Variants in FLNA observed in about 807,000 individuals in gnomAD.
FLNA encodes the protein filamin-A.
FLNA carries 7 observed loss-of-function variants against 157.6 expected under a neutral mutation model. The observed-to-expected ratio is 0.04, with a 90% CI of 0.03 to 0.08. The LOEUF (loss-of-function observed/expected upper bound fraction) is 0.08. FLNA is among the 10% of genes least tolerant of loss of function. The pLI, the probability that FLNA is intolerant of heterozygous loss-of-function variation, is 1.00. For missense variants in FLNA, 1,750 were observed against 2,398.4 expected (o/e 0.73, Z 5.65); for synonymous variants, 1,103 against 1,060.8 (o/e 1.04, Z -0.77).
At chrX:154,360,903 T>C (rs1040458308) in intron 21 of FLNA, among the ~76,000 whole-genome samples, 7 of 107,434 alleles carry the variant, frequency 6.5e-5, no homozygotes, top group Admixed American at 6.0e-4. Context: ...CAAAATTAGC[T>C]GGGCATGGTG....
At chrX:154,370,425 C>A (rs1046959013) in intron 2 of FLNA, among the ~76,000 whole-genome samples, 2 of 112,317 alleles carry the variant, frequency 1.8e-5, no homozygotes, top group Non-Finnish European at 3.8e-5. Flanking sequence ...CAATGGGACG[C>A]ACGAGCTCCA....
intron 30 of FLNA, 28 bp from the exon 31 acceptor site, chrX:154,355,100 G>C: frequency 4.2e-6 from 5 of 1,191,484 alleles, no homozygotes; most frequent in South Asian, 1.8e-5. Context: ...GTCCCCAAAG[G>C]GGGGCCAGCG....
chrX:154,351,326 G>T (rs1557175722), intron 43 of FLNA: 1 of 437,043 alleles, frequency 2.3e-6, no homozygotes, highest in Non-Finnish European at 4.0e-6. Flanking sequence ...TCTTTAAACC[G>T]CAGCCCTGGT....
In FLNA at chrX:154,367,847, G is replaced by C; in HGVS notation, c.617C>G (p.Ala206Gly). The change falls in exon 3 of 48, where the codon GCC (alanine) becomes GGC (glycine). Residue 206 changes from alanine to glycine, a missense_variant. Transcript: ENST00000369850. ...RALGALVDSC[A>G]PGLCPDWDSW... ...CTGCCTCTGCGCCCCCTCACCCGGG[G>C]CACAGCTGTCCACCAGGGCGCCCAG... is the stretch of plus-strand genomic sequence containing the variant. 1 of 1,210,721 alleles carries C rather than the reference G, an allele frequency of 8.3e-7. No individual in the cohort carries two copies. Among genetic ancestry groups the C allele is most frequent in the Non-Finnish European group, 1.1e-6 (1 of 895,298 alleles).
rs1334045176 is a variant in FLNA, at chrX:154,349,463, G to A, written c.7655C>T (p.Pro2552Leu). ...TCAPQHGAPG[P>L]GPADASKVVA... ...CACCTTGCTGGCGTCAGCAGGCCCAGGACCCGGGGCCCCATGCTGGGGGGC... is the reference window on the plus strand; with the variant it reads ...CACCTTGCTGGCGTCAGCAGGCCCAAGACCCGGGGCCCCATGCTGGGGGGC... Residue 2552 changes from proline to leucine, a missense_variant, in exon 47 of 48, where the codon CCT (proline) becomes CTT (leucine). Transcript: ENST00000369850. 5 of 1,211,385 alleles carry A rather than the reference G, an allele frequency of 4.1e-6. No individual in the cohort carries two copies. The highest frequency in any genetic ancestry group is 5.6e-6 in the Non-Finnish European group (5 of 895,383).
At chrX:154,365,859 G>A (rs1557179084) in intron 9 of FLNA, among the ~76,000 whole-genome samples, 165 bp downstream of exon 9, 1 of 112,750 alleles carries the variant, frequency 8.9e-6, no homozygotes, top group African/African-American at 3.2e-5. Context: ...AGGAGAGGAG[G>A]AAGGGCCCCA....
At chrX:154,362,828 G>A in intron 15 of FLNA, 44 bp from the exon 16 acceptor site, 3 of 1,165,324 alleles carry the variant, frequency 2.6e-6, no homozygotes, top group Non-Finnish European at 3.4e-6. Context: ...GCAGCCTGGA[G>A]GAGACTCAGA....
intron 22 of FLNA, 32 bp downstream of exon 22, chrX:154,359,958 C>T (rs1207874217): frequency 2.5e-6 from 3 of 1,203,615 alleles, no homozygotes; most frequent in African/African-American, 3.5e-5. Flanking sequence ...GTCCCTGTCC[C>T]CCGTCACATA....
At chrX:154,363,186 G>A (rs1229304763) in intron 15 of FLNA, among the ~76,000 whole-genome samples, 1 of 112,066 alleles carries the variant, frequency 8.9e-6, no homozygotes, top group Non-Finnish European at 1.9e-5. Flanking sequence ...GAAGGCCAAG[G>A]TGGGCGGACC....
rs782701643 is a variant in FLNA at position 154,367,506 on chromosome X, G to A, written c.759C>T (p.Asp253=). The change falls in exon 5 of 48, where the codon GAC becomes GAT. Residue 253 remains aspartate (D), a synonymous_variant. Transcript: ENST00000369850. Reference sequence around the variant, plus strand: ...ACAGGTAGGTCATGACAGAGTGCTCGTCCACGTTGGGGTCCACAATCTCCT... The same window carrying A: ...ACAGGTAGGTCATGACAGAGTGCTCATCCACGTTGGGGTCCACAATCTCCT... ...TPEEIVDPNV[D]EHSVMTYLSQ... is the part of the protein sequence containing the mutation. 9.6e-5 allele frequency: 116 copies of A among 1,209,852 alleles called. No homozygotes were observed. The highest frequency in any genetic ancestry group is 3.2e-4 in the South Asian group (18 of 56,897).
At chrX:154,350,308 C>T (rs1373393897) in intron 44 of FLNA, 101 bp from the exon 45 acceptor site, 36 of 814,169 alleles carry the variant, frequency 4.4e-5, no homozygotes, top group East Asian at 3.2e-4. Flanking sequence ...CCCATTTTGC[C>T]GGTCCATCAG....
Position 154,349,430 on chromosome X carries a change from T to A in FLNA, c.7688A>T (p.Lys2563Met). 1 of 1,212,134 alleles carries A rather than the reference T, an allele frequency of 8.2e-7. No homozygotes were observed. The highest frequency in any genetic ancestry group is 1.1e-6 in the Non-Finnish European group (1 of 895,577). The change falls in exon 47 of 48, where the codon AAG becomes ATG. Residue 2563 changes from lysine to methionine, a missense_variant. By Grantham distance (95) the Lys-to-Met change is moderately conservative. Around this residue, in one of 5 missense-constraint regions of FLNA, gnomAD observed 970 missense variants for 1,302.6 expected, o/e 0.74. Transcript: ENST00000369850. ...GTAGGCCTTGCTCAGCCCCAGGCCC[T>A]TGGCCACCACCTTGCTGGCGTCAGC... is the stretch of plus-strand genomic sequence containing the variant. Reference protein sequence around the residue: ...GPADASKVVAKGLGLSKAYVG... With the variant: ...GPADASKVVAMGLGLSKAYVG...
chrX:154,357,380 C>A, intron 29 of FLNA, 54 bp downstream of exon 29: 2 of 1,199,572 alleles, frequency 1.7e-6, no homozygotes. Flanking sequence ...TGCACACAGG[C>A]ACAACCCAAG....
chrX:154,359,273 C>T lies in FLNA; in HGVS notation c.4276G>A (p.Val1426Ile), dbSNP rs782073521. The change falls in exon 25 of 48, where the codon GTC (valine) becomes ATC (isoleucine). Residue 1426 changes from valine to isoleucine, a missense_variant. By Grantham distance (29) the Val-to-Ile change is conservative. Transcript: ENST00000369850. ...GGCACTTGATGGCCACCATAGGTGA[C>T]GTTGAGGCTGTAGGTGCCAGCCTCA... ...PYEAGTYSLN[V>I]TYGGHQVPGS... 9 of 1,210,168 alleles carry T rather than the reference C, an allele frequency of 7.4e-6. No individual in the cohort carries two copies. Among genetic ancestry groups the T allele is most frequent in the East Asian group, 3.0e-5 (1 of 33,797 alleles).
intron 45 of FLNA, 36 bp downstream of exon 45, chrX:154,349,995 C>T: frequency 1.7e-6 from 2 of 1,204,953 alleles, no homozygotes; most frequent in Admixed American, 4.3e-5. Context: ...GGCCTAGCAG[C>T]TGTGTGCACA....
intron 41 of FLNA, 23 bp downstream of exon 41, chrX:154,352,158 A>C (rs1557175923): frequency 8.3e-6 from 10 of 1,209,437 alleles, no homozygotes; most frequent in Non-Finnish European, 1.1e-5. Context: ...GAGAGCGAGC[A>C]CTCGGGGTGT....
At chrX:154,370,167 G>C (rs2067794041) in intron 2 of FLNA, among the ~76,000 whole-genome samples, 1 of 112,464 alleles carries the variant, frequency 8.9e-6, no homozygotes, top group Admixed American at 9.3e-5. Context: ...ACGCAGAAAA[G>C]CAAGGCCTAC....
At chrX:154,360,960 T>C (rs144692702) in intron 21 of FLNA, among the ~76,000 whole-genome samples, 23,154 of 98,767 alleles carry the variant, frequency 0.23, 2,361 homozygotes, top group South Asian at 0.52. Flanking sequence ...GGCAGGAGTA[T>C]TGCTTGAAGC....
In FLNA at chrX:154,359,830, T is replaced by C; in HGVS notation, c.3881A>G (p.Lys1294Arg). ...ALTQTGGPHV[K>R]ARVANPSGNL... ...GCCTGAGGGGTTGGCCACACGGGCCTTGACGTGCGGCCCTCCGGTCTGTGT... is the reference window on the plus strand; with the variant it reads ...GCCTGAGGGGTTGGCCACACGGGCCCTGACGTGCGGCCCTCCGGTCTGTGT... Residue 1294 changes from lysine to arginine, a missense_variant, in exon 23 of 48, where the codon AAG becomes AGG. This residue lies in a region of FLNA where 970 missense variants were observed against 1,302.6 expected (regional missense o/e 0.74). Transcript: ENST00000369850. 8.3e-7 allele frequency: 1 copy of C among 1,210,619 alleles called. No homozygotes were observed. The highest frequency in any genetic ancestry group is 1.8e-5 in the South Asian group (1 of 57,002).
Sources: allele counts gnomAD v4.1 joint callset (sites outside exome capture counted in the v4.1 genomes callset), GRCh38; gene constraint gnomAD v4.1.1; regional missense constraint gnomAD v4.1.1; transcripts MANE v1.5; gene names NCBI Gene and HGNC (gene_info 2026-07-23, HGNC 2026-07-21).